The following IFT140 variants were observed in gnomAD, a reference collection of about 807,000 sequenced individuals.
IFT140 encodes the protein intraflagellar transport 140.
Under a neutral mutation model 164.6 loss-of-function variants are expected in IFT140, and 133 were observed. The ratio of observed to expected loss-of-function variants is 0.81; its 90% CI spans 0.70 to 0.93. The LOEUF is 0.93. Among genes scored for constraint, IFT140 ranks in the 40% least tolerant of loss-of-function variants. The pLI is 0.00. For synonymous variants in IFT140, 860 were observed against 817.3 expected (o/e 1.05, Z -0.89); for missense variants, 2,045 against 1,972.3 (o/e 1.04, Z -0.70).
rs1159487710 is a variant in IFT140, at chr16:1,531,490, G to C, written c.2400-4694C>G. 6.6e-6 allele frequency: 1 copy of C among 152,290 alleles called. No homozygotes were observed. Among genetic ancestry groups the C allele is most frequent in the African/African-American group, 2.4e-5 (1 of 41,426 alleles). The allele number at this position is 152,290 out of a possible 1,614,324, so 9.4% of individuals were successfully genotyped here. On this transcript the variant is annotated intron_variant, in intron 19 of 30. Transcript: ENST00000426508. The surrounding 1 kb of genome is among the most constrained non-coding windows in gnomAD (Gnocchi z 4.7). ...AGCCGCAGGCACATATGTGGGAGGG[G>C]GCAGTGGGACTCCACCGTGACCAAG...
intron 4 of IFT140, among the ~76,000 whole-genome samples, chr16:1,595,217 G>A (rs531949746): frequency 6.6e-6 from 1 of 152,222 alleles, no homozygotes; most frequent in African/African-American, 2.4e-5. Flanking sequence ...CCCAGGAGGC[G>A]GAGCTTGCAG....
chr16:1,581,115 C>T (rs1439423151), intron 12 of IFT140, among the ~76,000 whole-genome samples: 1 of 152,218 alleles, frequency 6.6e-6, no homozygotes, highest in Non-Finnish European at 1.5e-5. Flanking sequence ...CTGCCCTTCA[C>T]CCCTCCCATC....
intron 19 of IFT140, among the ~76,000 whole-genome samples, chr16:1,539,725 C>T (rs941518302): frequency 4.6e-5 from 7 of 152,260 alleles, no homozygotes; most frequent in Non-Finnish European, 7.3e-5. Flanking sequence ...GAGCGAGGGG[C>T]AGCTGCTGCC....
At chr16:1,563,532 A>T (rs1191295921) in intron 17 of IFT140, among the ~76,000 whole-genome samples, 1 of 152,068 alleles carries the variant, frequency 6.6e-6, no homozygotes, top group Non-Finnish European at 1.5e-5. Flanking sequence ...AACCAAAAAA[A>T]TGCCATTCAG....
intron 4 of IFT140, among the ~76,000 whole-genome samples, chr16:1,598,302 C>G (rs1489281203): frequency 6.6e-6 from 1 of 152,002 alleles, no homozygotes; most frequent in Non-Finnish European, 1.5e-5. Context: ...ACTAAAAATA[C>G]AAAAAATTAG....
At chr16:1,539,675 G>C (rs928214393) in intron 19 of IFT140, among the ~76,000 whole-genome samples, 2 of 152,272 alleles carry the variant, frequency 1.3e-5, no homozygotes, top group Non-Finnish European at 2.9e-5. Context: ...TTACGTGGCA[G>C]TGACGCTCAC....
At position 1,518,303 on chromosome 16, in the gene IFT140, C is replaced by T. The variant is rs2040423658; in HGVS notation, c.4095G>A (p.Glu1365=). Residue 1365 remains glutamate (E), a synonymous_variant, in exon 30 of 31, where the codon GAG becomes GAA. Coordinates refer to ENST00000426508, the MANE Select transcript of IFT140 (RefSeq NM_014714.4). ...ESIKQCELLL[E]EPDLDSTIRI... Reference sequence around the variant, plus strand: ...GGATGGTGCTGTCCAGGTCTGGTTCCTCCAGGAGCAGCTCACACTGCTTGA... The same window carrying T: ...GGATGGTGCTGTCCAGGTCTGGTTCTTCCAGGAGCAGCTCACACTGCTTGA... 1 of 1,614,034 alleles carries T rather than the reference C, an allele frequency of 6.2e-7. No homozygotes were observed.
chr16:1,524,831 G>A lies in IFT140; in HGVS notation c.2950C>T (p.His984Tyr). The change falls in exon 23 of 31, where the codon CAC (histidine) becomes TAC (tyrosine). Residue 984 changes from histidine (H) to tyrosine (Y), a missense_variant. Physicochemically the swap from His to Tyr is moderately conservative, Grantham distance 83. Coordinates refer to ENST00000426508, the MANE Select transcript of IFT140 (RefSeq NM_014714.4). ...ALHYYELARD[H>Y]FSLVRIHCFQ... ...CAGTGGATGCGGACCAGGGAGAAGTGGTCCCGGGCCAGCTCGTAGTAGTGC... is the reference window on the plus strand; with the variant it reads ...CAGTGGATGCGGACCAGGGAGAAGTAGTCCCGGGCCAGCTCGTAGTAGTGC... 4 of 1,612,598 alleles carry A rather than the reference G, an allele frequency of 2.5e-6. No individual in the cohort carries two copies. The highest frequency in any genetic ancestry group is 3.4e-6 in the Non-Finnish European group (4 of 1,179,074).
intron 10 of IFT140, among the ~76,000 whole-genome samples, chr16:1,584,711 G>A (rs1287284275): frequency 6.6e-6 from 1 of 152,058 alleles, no homozygotes; most frequent in Non-Finnish European, 1.5e-5. Flanking sequence ...TTCTGAGTGG[G>A]ACACACTTTT....
intron 29 of IFT140, among the ~76,000 whole-genome samples, chr16:1,518,763 C>T (rs776606465): frequency 6.6e-6 from 1 of 151,798 alleles, no homozygotes; most frequent in Admixed American, 6.6e-5. Flanking sequence ...AGAGGCTGCC[C>T]GCACACAGGC....
At chr16:1,584,683 G>A (rs1382980968) in intron 10 of IFT140, among the ~76,000 whole-genome samples, 8 of 152,208 alleles carry the variant, frequency 5.3e-5, no homozygotes, top group Non-Finnish European at 1.0e-4. Context: ...CTGATGGGAA[G>A]AGCGTTTTCT....
intron 19 of IFT140, among the ~76,000 whole-genome samples, chr16:1,534,926 T>C (rs1000861586): frequency 3.9e-5 from 6 of 152,162 alleles, no homozygotes; most frequent in Admixed American, 1.3e-4. Context: ...TTATTACGGC[T>C]GGGCGCAGTG....
rs1255073162 is a variant in IFT140, at chr16:1,589,624, T to A, written c.791A>T (p.Lys264Ile). 1 of 1,614,088 alleles carries A rather than the reference T, an allele frequency of 6.2e-7. No individual in the cohort carries two copies. Among genetic ancestry groups the A allele is most frequent in the Admixed American group, 1.7e-5 (1 of 60,016 alleles). Residue 264 changes from lysine (K) to isoleucine (I), a missense_variant, in exon 7 of 31, where the codon AAA becomes ATA. Physicochemically the swap from Lys to Ile is moderately radical, Grantham distance 102. Coordinates refer to ENST00000426508, the MANE Select transcript of IFT140 (RefSeq NM_014714.4). ...LSLYTVPPEGKAEEVMKVKLS... is the reference protein window; with the variant it reads ...LSLYTVPPEGIAEEVMKVKLS... ...ACTCACCTTCATCACTTCTTCTGCTTTGCCCTCAGGAGGCACCGTGTACAG... is the reference window on the plus strand; with the variant it reads ...ACTCACCTTCATCACTTCTTCTGCTATGCCCTCAGGAGGCACCGTGTACAG...
intron 4 of IFT140, among the ~76,000 whole-genome samples, chr16:1,601,922 T>C (rs1288631494): frequency 6.6e-5 from 10 of 152,268 alleles, no homozygotes; most frequent in Admixed American, 6.5e-4. Context: ...CATGTCGCTA[T>C]GCTGTGGGTC....
intron 19 of IFT140, among the ~76,000 whole-genome samples, chr16:1,528,004 C>T (rs775942782): frequency 6.6e-6 from 1 of 152,228 alleles, no homozygotes; most frequent in Non-Finnish European, 1.5e-5. Context: ...ACTCTAGGGA[C>T]ATGACGCTGC....
At chr16:1,574,362 T>G (rs1161640469) in intron 13 of IFT140, among the ~76,000 whole-genome samples, 2 of 151,982 alleles carry the variant, frequency 1.3e-5, no homozygotes, top group African/African-American at 4.8e-5. Context: ...CACTACAACC[T>G]CAACCTCCCT....
At chr16:1,589,483 C>T in intron 7 of IFT140, 122 bp downstream of exon 7, 1 of 954,410 alleles carries the variant, frequency 1.0e-6, no homozygotes, top group Non-Finnish European at 1.6e-6. Flanking sequence ...GTTAGCCGCC[C>T]TAACTCAGTT....
At position 1,568,757 on chromosome 16, in the gene IFT140, A is replaced by G. The variant is rs371320724; in HGVS notation, c.1653-423T>C. On this transcript the variant is annotated intron_variant, in intron 14 of 30. Transcript: ENST00000426508. The stretch of plus-strand genomic sequence containing the variant: ...CGACAGAGTGAGACTCCATCTCAAA[A>G]ACAAAAAACGAAAAAAAACAAAACA... 2.8e-3 allele frequency among the ~76,000 whole-genome samples: 424 copies of G among 152,202 alleles called. 14 individuals carry two copies. The South Asian group carries it at 0.085, about 31-fold the overall frequency.
chr16:1,527,017 C>T, intron 19 of IFT140: 1 of 540,568 alleles, frequency 1.8e-6, no homozygotes, highest in Admixed American at 3.2e-5. Context: ...GAGGCAGGGG[C>T]CGGGTCCCAT....
Sources: gnomAD v4.1 joint callset for allele counts (sites outside exome capture counted in the v4.1 genomes callset) on GRCh38, gnomAD v4.1.1 for gene constraint, Gnocchi (gnomAD v3.1) non-coding constraint, MANE v1.5 for transcripts, NCBI Gene and HGNC (gene_info 2026-07-23, HGNC 2026-07-21) for gene names.